Variants in PARD3B observed in about 807,000 individuals in gnomAD.
The protein encoded by PARD3B is par-3 family cell polarity regulator beta, also known as partitioning defective 3 homolog B.
In PARD3B, 103 loss-of-function variants were observed where a neutral mutation model predicts 130.2. The observed-to-expected ratio is 0.79, with a 90% CI of 0.67 to 0.93. PARD3B has a LOEUF of 0.93. Ranked by LOEUF, PARD3B falls within the 40% of genes least tolerant of loss-of-function variation. The pLI is 0.00. For synonymous variants in PARD3B, 583 were observed against 553.2 expected (o/e 1.05, Z -0.76); for missense variants, 1,609 against 1,499.2 (o/e 1.07, Z -1.21).
chr2:205,275,209 GTC>G (rs1193949090), intron 16 of PARD3B, among the ~76,000 whole-genome samples: 1 of 150,764 alleles, frequency 6.6e-6, no homozygotes, highest in African/African-American at 2.4e-5. Context: ...AAAAAAAAAA[GTC>G]TCTCGAGTTT....
At chr2:205,248,829 G>A (rs1010638071) in intron 16 of PARD3B, among the ~76,000 whole-genome samples, 7 of 151,236 alleles carry the variant, frequency 4.6e-5, no homozygotes, top group Non-Finnish European at 7.4e-5. Context: ...GGATGGTTTC[G>A]ATCTCCTGAC....
chr2:205,157,030 T>G (rs1297994149), intron 10 of PARD3B, among the ~76,000 whole-genome samples: 1 of 152,232 alleles, frequency 6.6e-6, no homozygotes, highest in Non-Finnish European at 1.5e-5. Context: ...CTTGTCTCTT[T>G]GTCTCTGATA....
chr2:204,593,347 G>T (rs2033153858), intron 1 of PARD3B, among the ~76,000 whole-genome samples: 1 of 152,148 alleles, frequency 6.6e-6, no homozygotes, highest in Admixed American at 6.5e-5. Context: ...GAGGGGGCTT[G>T]CGCATGGAGC....
chr2:204,691,289 C>G (rs1019356), intron 2 of PARD3B, among the ~76,000 whole-genome samples: 118,560 of 152,018 alleles, frequency 0.78, 46,795 homozygotes, highest in East Asian at 0.89. Flanking sequence ...TATATAAAGT[C>G]AATTACTGCC....
chr2:205,478,800 G>A (rs550164013), intron 20 of PARD3B, among the ~76,000 whole-genome samples: 220 of 152,152 alleles, frequency 1.4e-3, no homozygotes, highest in African/African-American at 5.0e-3. Flanking sequence ...CACAGTTTCC[G>A]GACAGTTTCA....
chr2:205,523,978 T>C (rs2051217787), intron 21 of PARD3B, among the ~76,000 whole-genome samples: 1 of 152,078 alleles, frequency 6.6e-6, no homozygotes, highest in South Asian at 2.1e-4. Flanking sequence ...AATTTTTTTT[T>C]ACCTCAATGA....
chr2:204,917,276 T>G (rs2047481728), intron 2 of PARD3B, among the ~76,000 whole-genome samples: 1 of 152,186 alleles, frequency 6.6e-6, no homozygotes, highest in African/African-American at 2.4e-5. Context: ...TGGAAGGATC[T>G]GTAGCTGAGG....
At chr2:204,998,372 G>GATATATATATACATA (rs2125269213) in intron 3 of PARD3B, among the ~76,000 whole-genome samples, 2 of 81,812 alleles carry the variant, frequency 2.4e-5, no homozygotes, top group South Asian at 6.5e-4. Flanking sequence ...GTGTGTGTGT[G>GATATATATATACATA]TGTATATATG....
chr2:204,904,617 A>G (rs2046981104), intron 2 of PARD3B, among the ~76,000 whole-genome samples: 1 of 152,174 alleles, frequency 6.6e-6, no homozygotes, highest in African/African-American at 2.4e-5. Context: ...AAGTCGTCCA[A>G]TATCAGATTA....
At chr2:205,031,464 AAAG>A (rs1435033266) in intron 3 of PARD3B, among the ~76,000 whole-genome samples, 4 of 152,170 alleles carry the variant, frequency 2.6e-5, no homozygotes, top group African/African-American at 9.6e-5. Context: ...ATCTCAAATT[AAAG>A]AAGGCTTGTC....
At chr2:204,964,518 T>C (rs1340765055) in intron 2 of PARD3B, among the ~76,000 whole-genome samples, 1 of 152,180 alleles carries the variant, frequency 6.6e-6, no homozygotes, top group Non-Finnish European at 1.5e-5. Context: ...GGACTTAGCA[T>C]TCCATTGGAC....
chr2:205,003,029 C>A (rs556882381), intron 3 of PARD3B, among the ~76,000 whole-genome samples: 3 of 152,308 alleles, frequency 2.0e-5, no homozygotes, highest in African/African-American at 7.2e-5. Flanking sequence ...CTTAACAAGA[C>A]TGAGTTCCTT....
In PARD3B at chr2:205,172,428, C is replaced by G; in HGVS notation, c.1791+47C>G. On this transcript the variant is annotated intron_variant, in intron 12 of 22. Transcript: ENST00000406610. ...CTCAGCCAGTTGCCCAAATTGCCAC[C>G]AGAATATGCAGACTTCCATTCCTAG... The G allele has an allele frequency of 4.5e-6, 7 of 1,551,604 alleles. 1 individual carries two copies. Among genetic ancestry groups the G allele is most frequent in the South Asian group, 2.3e-5 (2 of 85,448 alleles).
At chr2:204,584,279 C>T (rs192905918) in intron 1 of PARD3B, among the ~76,000 whole-genome samples, 1 of 152,254 alleles carries the variant, frequency 6.6e-6, no homozygotes, top group African/African-American at 2.4e-5. Context: ...TATGACTTGA[C>T]AGTCTAGCTA....
chr2:205,162,073 T>C (rs2125720272), intron 11 of PARD3B, among the ~76,000 whole-genome samples: 1 of 152,344 alleles, frequency 6.6e-6, no homozygotes, highest in Admixed American at 6.5e-5. Flanking sequence ...CTGCTTTCTG[T>C]CATGTCATCT....
intron 3 of PARD3B, among the ~76,000 whole-genome samples, chr2:204,983,370 T>C (rs1344552806): frequency 1.4e-5 from 2 of 142,710 alleles, no homozygotes; most frequent in Non-Finnish European, 3.0e-5. Flanking sequence ...TAATAAACAA[T>C]GCATCCAAAA....
chr2:205,000,096 T>G (rs1575525625), intron 3 of PARD3B, among the ~76,000 whole-genome samples: 1 of 152,080 alleles, frequency 6.6e-6, no homozygotes, highest in Admixed American at 6.6e-5. Flanking sequence ...AACAGGCAGC[T>G]TTGTGGCCTA....
At chr2:204,655,120 T>C (rs1361735908) in intron 1 of PARD3B, among the ~76,000 whole-genome samples, 3 of 152,220 alleles carry the variant, frequency 2.0e-5, no homozygotes, top group Admixed American at 6.5e-5. Context: ...CATCATTTCA[T>C]TGGCTGCAAG....
At chr2:204,939,817 G>A (rs746941298) in intron 2 of PARD3B, among the ~76,000 whole-genome samples, 11 of 152,114 alleles carry the variant, frequency 7.2e-5, no homozygotes, top group Non-Finnish European at 1.3e-4. Context: ...TATCCCAAAT[G>A]TATAATAGTC....
Sources: gnomAD v4.1 joint callset for allele counts (sites outside exome capture counted in the v4.1 genomes callset) on GRCh38, gnomAD v4.1.1 for gene constraint, MANE v1.5 for transcripts, NCBI Gene and HGNC (gene_info 2026-07-23, HGNC 2026-07-21) for gene names.